G2E3: variants seen among roughly 807,000 people sequenced by gnomAD.
The protein encoded by G2E3 is G2/M-phase specific E3 ubiquitin protein ligase, also known as G2/M phase-specific E3 ubiquitin-protein ligase.
Under a neutral mutation model 92.8 loss-of-function variants are expected in G2E3, and 35 were observed. The observed-to-expected ratio is 0.38, with a 90% CI of 0.29 to 0.50. The LOEUF is 0.50. Among genes scored for constraint, G2E3 ranks in the 20% least tolerant of loss-of-function variants. The pLI is 0.94. For synonymous variants in G2E3, 242 were observed against 272.4 expected (o/e 0.89, Z 1.10); for missense variants, 554 against 823.8 (o/e 0.67, Z 4.01).
At chr14:30,601,409 T>TC in intron 8 of G2E3, among the ~76,000 whole-genome samples, 1 of 152,294 alleles carries the variant, frequency 6.6e-6, no homozygotes, top group Admixed American at 6.5e-5. Context: ...GAATGTTTCT[T>TC]CCATATCAGA....
intron 7 of G2E3, 76 bp from the exon 8 acceptor site, chr14:30,598,407 A>G: frequency 9.8e-7 from 1 of 1,023,598 alleles, no homozygotes; most frequent in Non-Finnish European, 1.5e-6. Context: ...AAAGGTTTTT[A>G]TTTTTAGATT....
At position 30,572,880 on chromosome 14, in the gene G2E3, T is replaced by C. The variant is rs79235652; in HGVS notation, c.-4-8196T>C. Among the ~76,000 whole-genome samples, 850 of 152,288 alleles carry C rather than the reference T, an allele frequency of 5.6e-3. 9 individuals carry two copies. The highest frequency in any genetic ancestry group is 0.019 in the African/African-American group (782 of 41,570). ...GGCTGAGGTCTCAGGAAAAAACATA[T>C]AGAACATGAAGGAAAGTCTAAACTT... On this transcript the variant is annotated intron_variant, in intron 1 of 14. Coordinates refer to ENST00000206595, the MANE Select transcript of G2E3 (RefSeq NM_017769.5).
intron 1 of G2E3, among the ~76,000 whole-genome samples, chr14:30,576,326 A>T (rs112875761): frequency 6.3e-4 from 96 of 152,228 alleles, no homozygotes; most frequent in Non-Finnish European, 1.1e-3. Flanking sequence ...TATGCAGAAG[A>T]TTGAAGCTGG....
intron 1 of G2E3, among the ~76,000 whole-genome samples, chr14:30,570,654 T>C (rs1027401977): frequency 6.6e-6 from 1 of 152,170 alleles, no homozygotes; most frequent in Admixed American, 6.5e-5. Flanking sequence ...TCAGTTATTG[T>C]ACTTTTCAGC....
chr14:30,602,007 C>A lies in G2E3; in HGVS notation c.886C>A (p.Gln296Lys), dbSNP rs1345182186. 3 of 1,609,190 alleles carry A rather than the reference C, an allele frequency of 1.9e-6. No individual in the cohort carries two copies. Among genetic ancestry groups the A allele is most frequent in the Non-Finnish European group, 2.5e-6 (3 of 1,177,968 alleles). Residue 296 changes from glutamine (Q) to lysine (K), a missense_variant, in exon 10 of 15, where the codon CAA becomes AAA. Physicochemically the swap from Gln to Lys is moderately conservative, Grantham distance 53 (BLOSUM62 1). This residue lies in a region of G2E3 where 397 missense variants were observed against 560.3 expected (regional missense o/e 0.71). Transcript: ENST00000206595. ...GAAATTTAAATCTGTAGGAGAGTTC[C>A]AAAAAGCCAAAAAACATGTATTACC... ...RGIIYNSGEF[Q>K]KAKKHVLPNS...
At chr14:30,610,120 T>C (rs1882018345) in intron 12 of G2E3, among the ~76,000 whole-genome samples, 1 of 152,230 alleles carries the variant, frequency 6.6e-6, no homozygotes, top group African/African-American at 2.4e-5. Context: ...CATGGCTTTA[T>C]CTACTCCAGT....
At chr14:30,565,423 C>T (rs562405339) in intron 1 of G2E3, among the ~76,000 whole-genome samples, 2 of 152,082 alleles carry the variant, frequency 1.3e-5, no homozygotes, top group South Asian at 4.1e-4. Context: ...TGTAGATTGT[C>T]ATTAGATGCA....
Position 30,618,300 on chromosome 14 carries a change from C to T in G2E3, c.*1766C>T, listed in dbSNP as rs1210628769. The T allele has an allele frequency of 6.6e-6, 1 of 152,026 alleles. No homozygotes were observed. Among genetic ancestry groups the T allele is most frequent in the Non-Finnish European group, 1.5e-5 (1 of 67,944 alleles). 9.4% of individuals were successfully genotyped at this position (152,026 alleles called of 1,614,324 possible). On this transcript the variant is annotated 3_prime_UTR_variant, in exon 15 of 15. Transcript: ENST00000206595. ...ATCAATTATCAAAGAGTTTGAATAG[C>T]TAATATAAACCCCAAAGTCACCATA...
chr14:30,563,738 T>TGTGTGTGTGTGTGA (rs566217168), intron 1 of G2E3, among the ~76,000 whole-genome samples: 1 of 141,532 alleles, frequency 7.1e-6, no homozygotes, highest in African/African-American at 2.6e-5. Context: ...TGTGTGTGTG[T>TGTGTGTGTGTGTGA]GATATAGAGT....
chr14:30,577,792 C>CT (rs1261568768), intron 1 of G2E3: 1 of 152,190 alleles, frequency 6.6e-6, no homozygotes, highest in Non-Finnish European at 1.5e-5. Flanking sequence ...GAGGGGCAGG[C>CT]TTTACCTTTT....
At chr14:30,582,753 G>A (rs1043200161) in intron 2 of G2E3, among the ~76,000 whole-genome samples, 1 of 152,152 alleles carries the variant, frequency 6.6e-6, no homozygotes, top group Non-Finnish European at 1.5e-5. Flanking sequence ...GGAAGGAAGA[G>A]GAGCTGAAAT....
chr14:30,582,424 T>C (rs547549829), intron 2 of G2E3, among the ~76,000 whole-genome samples: 1 of 152,158 alleles, frequency 6.6e-6, no homozygotes, highest in South Asian at 2.1e-4. Context: ...AGGCCCTCCA[T>C]ACTGGGTAGA....
intron 11 of G2E3, among the ~76,000 whole-genome samples, chr14:30,606,590 G>T (rs1881843007): frequency 6.6e-6 from 1 of 152,058 alleles, no homozygotes; most frequent in South Asian, 2.1e-4. Context: ...CTTTGGTATG[G>T]TGGAGAGTAC....
chr14:30,588,329 A>C (rs975315913), intron 3 of G2E3, among the ~76,000 whole-genome samples: 1 of 152,026 alleles, frequency 6.6e-6, no homozygotes, highest in African/African-American at 2.4e-5. Context: ...GAATTAGGAG[A>C]GCCATTTTAT....
intron 10 of G2E3, among the ~76,000 whole-genome samples, chr14:30,604,530 A>G (rs1006181300): frequency 3.9e-5 from 6 of 152,240 alleles, no homozygotes; most frequent in African/African-American, 1.4e-4. Flanking sequence ...TTCTGATTCT[A>G]TAGATGCGCT....
rs773570070 is a variant in G2E3 at position 30,581,083 on chromosome 14, A to G, written c.4A>G (p.Asn2Asp). The G allele has an allele frequency of 4.8e-6, 7 of 1,470,252 alleles. 1 individual carries two copies. The African/African-American group carries it at 5.5e-5, about 12-fold the overall frequency. 91.1% of individuals were successfully genotyped at this position (1,470,252 alleles called of 1,614,324 possible). Residue 2 changes from asparagine to aspartate, a missense_variant, in exon 2 of 15, where the codon AAT becomes GAT. Asn to Asp is a conservative substitution (Grantham distance 23). Around this residue, in one of 3 missense-constraint regions of G2E3, gnomAD observed 137 missense variants for 201.3 expected, o/e 0.68. Coordinates refer to ENST00000206595, the MANE Select transcript of G2E3 (RefSeq NM_017769.5). ...TAATGTTATTTTTCCTAGTAAAATG[A>G]ATGAAAGTAAACCTGGTGACTCACA... M[N>D]ESKPGDSQNL...
intron 1 of G2E3, among the ~76,000 whole-genome samples, chr14:30,577,362 CAG>C (rs941547387): frequency 2.0e-5 from 3 of 151,756 alleles, no homozygotes; most frequent in African/African-American, 7.3e-5. Context: ...TGTCGTGTAA[CAG>C]ATAACTCCAG....
At chr14:30,615,296 T>TA in intron 13 of G2E3, 53 bp from the exon 14 acceptor site, 1 of 914,742 alleles carries the variant, frequency 1.1e-6, no homozygotes, top group Non-Finnish European at 1.7e-6. Flanking sequence ...TTCCCTAATA[T>TA]AATACCAAAC....
rs1882349928 is a variant in G2E3 at position 30,617,155 on chromosome 14, T to TAC, written c.*622_*623insCA. ...GGAAGTATTATATAAAAAGCAGAAT[T>TAC]AAGCTGGGCACATGTGCTTGTAATC... On this transcript the variant is annotated 3_prime_UTR_variant, in exon 15 of 15. Transcript: ENST00000206595. The TAC allele has an allele frequency of 6.6e-6, 1 of 152,008 alleles. No homozygotes were observed. The highest frequency in any genetic ancestry group is 2.4e-5 in the African/African-American group (1 of 41,404). The allele number at this position is 152,008 out of a possible 1,614,324, so 9.4% of individuals were successfully genotyped here.
Sources: gnomAD v4.1 joint callset for allele counts (sites outside exome capture counted in the v4.1 genomes callset) on GRCh38, gnomAD v4.1.1 for gene constraint, gnomAD v4.1.1 regional missense constraint, MANE v1.5 for transcripts, NCBI Gene and HGNC (gene_info 2026-07-23, HGNC 2026-07-21) for gene names.